Variants in FBN2 observed in about 807,000 individuals in gnomAD.
FBN2 encodes the protein fibrillin-2.
In FBN2, 105 loss-of-function variants were observed where a neutral mutation model predicts 355.6. The ratio of observed to expected loss-of-function variants is 0.30; its 90% CI spans 0.25 to 0.35. FBN2 has a LOEUF of 0.35. Ranked by LOEUF, FBN2 falls within the 10% of genes least tolerant of loss-of-function variation. FBN2 has a pLI of 1.00. For missense variants in FBN2, 3,280 were observed against 3,758.7 expected, an observed-to-expected ratio of 0.87 and a Z score of 3.33; for synonymous variants, 1,350 against 1,301.2, an observed-to-expected ratio of 1.04 and a Z score of -0.81.
chr5:128,475,025 T>A (rs768744), intron 5 of FBN2, among the ~76,000 whole-genome samples: 1 of 151,970 alleles, frequency 6.6e-6, no homozygotes, highest in Non-Finnish European at 1.5e-5. Flanking sequence ...TGAAGAACAG[T>A]GATAATCAAG....
chr5:128,289,800 G>C, intron 51 of FBN2, 82 bp downstream of exon 51: 1 of 831,136 alleles, frequency 1.2e-6, no homozygotes, highest in Non-Finnish European at 2.0e-6. Context: ...ACATAGTAAA[G>C]TTAGCATGAG....
rs754983737 is a variant in FBN2 at position 128,327,519 on chromosome 5, AG to A, written c.4471+1176del. On this transcript the variant is annotated intron_variant, in intron 34 of 64. Coordinates refer to ENST00000262464, the MANE Select transcript of FBN2 (RefSeq NM_001999.4). The stretch of plus-strand genomic sequence containing the variant: ...GTTCATTCTGGTTAGATACTGATGT[AG>A]GGGGAAGTTTTTAATATGTTTCATT... 2.0e-5 allele frequency among the ~76,000 whole-genome samples: 3 copies of A among 150,054 alleles called. 1 individual carries two copies. Among genetic ancestry groups the A allele is most frequent in the South Asian group, 4.2e-4 (2 of 4,758 alleles).
chr5:128,477,758 T>G (rs1755044403), intron 5 of FBN2, among the ~76,000 whole-genome samples: 1 of 152,190 alleles, frequency 6.6e-6, no homozygotes, highest in African/African-American at 2.4e-5. Context: ...ATCCATGCTC[T>G]TAACCATCTC....
chr5:128,389,610 G>A (rs1055747087), intron 11 of FBN2, among the ~76,000 whole-genome samples: 22 of 152,312 alleles, frequency 1.4e-4, no homozygotes, highest in South Asian at 4.1e-4. Flanking sequence ...TATGGGCATC[G>A]TAGCCACTCT....
chr5:128,280,654 C>T (rs1011556354), intron 55 of FBN2, among the ~76,000 whole-genome samples: 3 of 151,992 alleles, frequency 2.0e-5, no homozygotes, highest in Admixed American at 6.6e-5. Flanking sequence ...AAAAGAATGT[C>T]AGTTTCTGTG....
intron 6 of FBN2, among the ~76,000 whole-genome samples, chr5:128,463,227 A>G (rs1233219586): frequency 2.0e-5 from 3 of 152,108 alleles, no homozygotes; most frequent in South Asian, 4.1e-4. Flanking sequence ...CAGATACAAT[A>G]TAATATAGAA....
chr5:128,275,459 T>A, intron 59 of FBN2, among the ~76,000 whole-genome samples: 3 of 150,840 alleles, frequency 2.0e-5, no homozygotes. Context: ...TTTTTTTTGA[T>A]ATGCCTTGGA....
At chr5:128,277,321 A>G (rs146735681) in intron 58 of FBN2, among the ~76,000 whole-genome samples, 2,295 of 152,348 alleles carry the variant, frequency 0.015, 57 homozygotes, top group South Asian at 0.059. Context: ...CCGAATAAGA[A>G]AAATAAATTG....
intron 42 of FBN2, among the ~76,000 whole-genome samples, chr5:128,306,178 T>G (rs1749870088): frequency 6.6e-6 from 1 of 152,222 alleles, no homozygotes; most frequent in South Asian, 2.1e-4. Flanking sequence ...CCAAGTAATT[T>G]CAGAGTCAAT....
chr5:128,323,617 G>A (rs184016899), intron 34 of FBN2, among the ~76,000 whole-genome samples: 1 of 152,226 alleles, frequency 6.6e-6, no homozygotes, highest in African/African-American at 2.4e-5. Flanking sequence ...ATGTTGAACC[G>A]GCCTTGCATC....
chr5:128,493,716 T>A (rs1755572579), intron 5 of FBN2, among the ~76,000 whole-genome samples: 1 of 152,198 alleles, frequency 6.6e-6, no homozygotes, highest in Non-Finnish European at 1.5e-5. Flanking sequence ...ACTGGAAGGA[T>A]GACTGCTACA....
rs955461269 is a variant in FBN2, at chr5:128,492,915, C to T, written c.628+26358G>A. 4.8e-5 allele frequency among the ~76,000 whole-genome samples: 7 copies of T among 146,862 alleles called. No individual in the cohort carries two copies. In the East Asian group the frequency reaches 8.0e-4, roughly 17 times the overall value. On this transcript the variant is annotated intron_variant, in intron 5 of 64. Coordinates refer to ENST00000262464, the MANE Select transcript of FBN2 (RefSeq NM_001999.4). ...TTTGAATTAAAATTAAAGTGTAAAGCGTAAAAAAAAAATCAATGCTCAGTG... is the reference window on the plus strand; with the variant it reads ...TTTGAATTAAAATTAAAGTGTAAAGTGTAAAAAAAAAATCAATGCTCAGTG...
rs191183910 is a variant in FBN2, at chr5:128,346,483, G to A, written c.2990-899C>T. 9.2e-5 allele frequency among the ~76,000 whole-genome samples: 14 copies of A among 152,300 alleles called. No homozygotes were observed. The East Asian group carries it at 2.7e-3, about 29-fold the overall frequency. ...GTCTAACGGAGGGAATGAGATCCCT[G>A]ATGGAAATGTACACATAAAAATTAA... On this transcript the variant is annotated intron_variant, in intron 23 of 64. Transcript: ENST00000262464.
intron 11 of FBN2, among the ~76,000 whole-genome samples, chr5:128,390,451 T>C (rs745629096): frequency 5.9e-5 from 9 of 152,172 alleles, no homozygotes; most frequent in Non-Finnish European, 1.0e-4. Flanking sequence ...GTTAAGGCAA[T>C]GGCACCAAAC....
In FBN2 at chr5:128,259,271, C is replaced by G; in HGVS notation, c.*184G>C. 2.8e-6 allele frequency: 2 copies of G among 706,542 alleles called. No homozygotes were observed. Among genetic ancestry groups the G allele is most frequent in the Non-Finnish European group, 4.8e-6 (2 of 418,336 alleles). The allele number at this position is 706,542 out of a possible 1,614,324, so 43.8% of individuals were successfully genotyped here. A position where few individuals can be genotyped will look rare whatever the true frequency, so the allele number is the denominator to read the frequency against. On this transcript the variant is annotated 3_prime_UTR_variant, in exon 65 of 65. Coordinates refer to ENST00000262464, the MANE Select transcript of FBN2 (RefSeq NM_001999.4). ...ACCACGGTTGCCTTTGTGCTCAAAT[C>G]TTTGGCCATACCAGAGTCTAAATTA...
chr5:128,291,467 T>G, intron 49 of FBN2, 62 bp downstream of exon 49: 1 of 1,584,568 alleles, frequency 6.3e-7, no homozygotes, highest in Non-Finnish European at 8.7e-7. Context: ...CATGATGGTT[T>G]ACAATTCAGC....
chr5:128,368,250 T>TA (rs1162737188), intron 16 of FBN2, among the ~76,000 whole-genome samples: 2 of 151,946 alleles, frequency 1.3e-5, no homozygotes, highest in Non-Finnish European at 2.9e-5. Flanking sequence ...CTACTGTACT[T>TA]ACGTATATTC....
At chr5:128,493,427 G>A (rs551300918) in intron 5 of FBN2, among the ~76,000 whole-genome samples, 66 of 152,206 alleles carry the variant, frequency 4.3e-4, no homozygotes, top group Non-Finnish European at 4.4e-5. Context: ...AACAGTTATC[G>A]AGCACTCAGT....
chr5:128,307,051 C>G, intron 42 of FBN2, 84 bp downstream of exon 42: 1 of 883,480 alleles, frequency 1.1e-6, no homozygotes, highest in South Asian at 1.3e-5. Flanking sequence ...TTTTGTGGTA[C>G]TCTTGAATTT....
Sources: gnomAD v4.1 joint callset for allele counts (sites outside exome capture counted in the v4.1 genomes callset) on GRCh38, gnomAD v4.1.1 for gene constraint, MANE v1.5 for transcripts, NCBI Gene and HGNC (gene_info 2026-07-23, HGNC 2026-07-21) for gene names.